Variants in CNTN4 observed in about 807,000 individuals in gnomAD.
CNTN4 encodes the protein contactin 4, also known as contactin-4.
CNTN4 carries 77 observed loss-of-function variants against 122.5 expected under a neutral mutation model. That is an observed-to-expected ratio of 0.63 (90% confidence interval 0.52 to 0.76). The LOEUF is 0.76. Among genes scored for constraint, CNTN4 ranks in the 30% least tolerant of loss-of-function variants. CNTN4 has a pLI of 0.00. For synonymous variants in CNTN4, 512 were observed against 447.0 expected (o/e 1.15, Z -1.83); for missense variants, 1,256 against 1,259.1 (o/e 1.00, Z 0.04).
At chr3:2,576,366 T>C (rs981760801) in intron 4 of CNTN4, among the ~76,000 whole-genome samples, 2 of 152,162 alleles carry the variant, frequency 1.3e-5, no homozygotes, top group African/African-American at 4.8e-5. Context: ...CCGGGTGCTT[T>C]GTAGTCACCC....
intron 4 of CNTN4, among the ~76,000 whole-genome samples, chr3:2,677,542 C>T (rs2084940857): frequency 6.8e-6 from 1 of 146,486 alleles, no homozygotes; most frequent in African/African-American, 2.5e-5. Context: ...AAAGAGCACA[C>T]ACTTACGACT....
chr3:2,232,863 G>C (rs147377404), intron 2 of CNTN4, among the ~76,000 whole-genome samples: 335 of 152,248 alleles, frequency 2.2e-3, no homozygotes, highest in African/African-American at 7.7e-3. Flanking sequence ...AGCTCTAAAT[G>C]AGATGACTTT....
At chr3:2,948,940 A>G (rs949245330) in intron 13 of CNTN4, among the ~76,000 whole-genome samples, 1 of 152,168 alleles carries the variant, frequency 6.6e-6, no homozygotes, top group African/African-American at 2.4e-5. Flanking sequence ...GCTCAAAAAT[A>G]GACAACTAAT....
Position 2,458,802 on chromosome 3 carries a change from G to A in CNTN4, c.-88-112614G>A, listed in dbSNP as rs1030092678. On this transcript the variant is annotated intron_variant, in intron 3 of 24. Transcript: ENST00000418658. ...GGAAGAAAATGCAAATGAAGTAACAGTGGAGCTCATAAATTTCTAGCCTGG... is the reference window on the plus strand; with the variant it reads ...GGAAGAAAATGCAAATGAAGTAACAATGGAGCTCATAAATTTCTAGCCTGG... Among the ~76,000 whole-genome samples the A allele has an allele frequency of 2.0e-5, 3 of 152,118 alleles. 1 individual carries two copies. The highest frequency in any genetic ancestry group is 2.0e-4 in the Admixed American group (3 of 15,252).
At chr3:2,493,733 A>C (rs1182048787) in intron 3 of CNTN4, among the ~76,000 whole-genome samples, 2 of 152,088 alleles carry the variant, frequency 1.3e-5, no homozygotes, top group Non-Finnish European at 2.9e-5. Flanking sequence ...ATTCACAACT[A>C]ATACGGTCAT....
intron 4 of CNTN4, among the ~76,000 whole-genome samples, chr3:2,607,131 T>C (rs2081291361): frequency 6.6e-6 from 1 of 152,218 alleles, no homozygotes; most frequent in African/African-American, 2.4e-5. Context: ...AGGCCACCTT[T>C]TTTTGGCATC....
intron 2 of CNTN4, among the ~76,000 whole-genome samples, chr3:2,196,118 G>A (rs2037821085): frequency 6.6e-6 from 1 of 152,140 alleles, no homozygotes; most frequent in Non-Finnish European, 1.5e-5. Flanking sequence ...ATACAAAGCT[G>A]TTATGTCATC....
chr3:3,048,866 G>C (rs1700956752), intron 23 of CNTN4, among the ~76,000 whole-genome samples: 1 of 152,130 alleles, frequency 6.6e-6, no homozygotes, highest in Admixed American at 6.6e-5. Flanking sequence ...ACAAGAAGCT[G>C]ACTTTAGAAA....
At chr3:2,872,942 C>T (rs1371530765) in intron 8 of CNTN4, among the ~76,000 whole-genome samples, 3 of 152,112 alleles carry the variant, frequency 2.0e-5, no homozygotes, top group African/African-American at 7.2e-5. Flanking sequence ...TTTTTCACAG[C>T]CTAATTTAGC....
chr3:2,659,890 C>T (rs2083793573), intron 4 of CNTN4, among the ~76,000 whole-genome samples: 1 of 152,196 alleles, frequency 6.6e-6, no homozygotes, highest in African/African-American at 2.4e-5. Flanking sequence ...AACATTGCTC[C>T]TGTTCAGATA....
intron 6 of CNTN4, among the ~76,000 whole-genome samples, chr3:2,786,642 A>G (rs1161697211): frequency 6.6e-6 from 1 of 152,240 alleles, no homozygotes; most frequent in African/African-American, 2.4e-5. Context: ...GTTGGTAACT[A>G]TCAAAACCCA....
At chr3:2,664,912 C>T (rs996651710) in intron 4 of CNTN4, among the ~76,000 whole-genome samples, 1 of 152,136 alleles carries the variant, frequency 6.6e-6, no homozygotes, top group African/African-American at 2.4e-5. Context: ...GTGGGTTTGG[C>T]TTCATTAATA....
chr3:2,797,424 C>T (rs968765096), intron 6 of CNTN4, among the ~76,000 whole-genome samples: 1 of 152,108 alleles, frequency 6.6e-6, no homozygotes, highest in Non-Finnish European at 1.5e-5. Context: ...ATGATGAAAC[C>T]CTGTCTCTAC....
intron 6 of CNTN4, among the ~76,000 whole-genome samples, chr3:2,779,597 A>G (rs2091486736): frequency 6.6e-6 from 1 of 152,342 alleles, no homozygotes; most frequent in Non-Finnish European, 1.5e-5. Context: ...AAGAGTTTGA[A>G]TGGTAGCTCT....
chr3:2,988,546 G>T, intron 14 of CNTN4, 74 bp downstream of exon 14: 1 of 1,488,526 alleles, frequency 6.7e-7, no homozygotes. Context: ...TACCGAAGTG[G>T]CATCATTCAT....
chr3:2,705,739 TATATA>T (rs2086657132), intron 4 of CNTN4, among the ~76,000 whole-genome samples: 1 of 100,828 alleles, frequency 9.9e-6, no homozygotes, highest in Non-Finnish European at 1.7e-5. Context: ...ATATATATGA[TATATA>T]TGATATATAA....
chr3:2,556,290 T>C (rs777897208), intron 3 of CNTN4, among the ~76,000 whole-genome samples: 1 of 152,206 alleles, frequency 6.6e-6, no homozygotes, highest in South Asian at 2.1e-4. Context: ...CCTTAACGTC[T>C]GTTTTAAGAC....
chr3:2,710,011 A>G lies in CNTN4; in HGVS notation c.56-26204A>G, dbSNP rs145303350. 8.9e-4 allele frequency among the ~76,000 whole-genome samples: 135 copies of G among 152,352 alleles called. 1 individual carries two copies. The highest frequency in any genetic ancestry group is 3.4e-3 in the Middle Eastern group (1 of 294). On this transcript the variant is annotated intron_variant, in intron 4 of 24. Coordinates refer to ENST00000418658, the MANE Select transcript of CNTN4 (RefSeq NM_175607.3). The stretch of plus-strand genomic sequence containing the variant: ...TTAACATTTTAAATTGTCGCTCTAT[A>G]GATGTCATTAGTTTTCCTCTTGAAA...
At chr3:2,810,901 G>C (rs913753703) in intron 6 of CNTN4, among the ~76,000 whole-genome samples, 50 of 152,180 alleles carry the variant, frequency 3.3e-4, no homozygotes, top group Middle Eastern at 3.4e-3. Flanking sequence ...AGAGAACACT[G>C]TGAGGGCTGG....
Sources: allele counts gnomAD v4.1 joint callset (sites outside exome capture counted in the v4.1 genomes callset), GRCh38; gene constraint gnomAD v4.1.1; transcripts MANE v1.5; gene names NCBI Gene and HGNC (gene_info 2026-07-23, HGNC 2026-07-21).